The following ADK variants were observed in gnomAD, a reference collection of about 807,000 sequenced individuals.
ADK encodes the protein N6,N6-dimethyladenosine kinase.
In ADK, 24 loss-of-function variants were observed where a neutral mutation model predicts 44.7. The observed-to-expected ratio is 0.54, with a 90% confidence interval of 0.39 to 0.76. ADK has a LOEUF of 0.76. Among genes scored for constraint, ADK ranks in the 30% least tolerant of loss-of-function variants. The pLI, the probability that ADK is intolerant of heterozygous loss-of-function variation, is 0.00. For synonymous variants in ADK, 128 were observed against 142.6 expected, an observed-to-expected ratio of 0.90 and a Z score of 0.73; for missense variants, 321 against 425.1, an observed-to-expected ratio of 0.76 and a Z score of 2.15.
intron 2 of ADK, among the ~76,000 whole-genome samples, chr10:74,211,094 AG>A (rs1240837335): frequency 6.6e-6 from 1 of 152,192 alleles, no homozygotes; most frequent in Non-Finnish European, 1.5e-5. Context: ...CATGTTGACC[AG>A]GCTGGTCTTT....
At chr10:74,648,907 C>G (rs1854152179) in intron 9 of ADK, among the ~76,000 whole-genome samples, 1 of 151,982 alleles carries the variant, frequency 6.6e-6, no homozygotes. Flanking sequence ...TAGGTCAGGG[C>G]GCAGTGGCTC....
chr10:74,673,434 C>T (rs532194157), intron 10 of ADK, among the ~76,000 whole-genome samples: 31 of 152,318 alleles, frequency 2.0e-4, no homozygotes, highest in African/African-American at 7.5e-4. Context: ...CCAGCAGGAG[C>T]GAACTTCACT....
At chr10:74,443,774 C>G (rs148559812) in intron 6 of ADK, among the ~76,000 whole-genome samples, 283 of 152,072 alleles carry the variant, frequency 1.9e-3, no homozygotes, top group African/African-American at 6.6e-3. Context: ...CTTGGCACAC[C>G]TAACAACAAA....
chr10:74,155,685 C>T (rs573136754), intron 1 of ADK, among the ~76,000 whole-genome samples: 48 of 152,036 alleles, frequency 3.2e-4, no homozygotes, highest in Admixed American at 2.4e-3. Context: ...CCTGCCATCA[C>T]GCCCGGCCAA....
At chr10:74,287,176 A>G (rs532924760) in intron 3 of ADK, among the ~76,000 whole-genome samples, 1 of 152,194 alleles carries the variant, frequency 6.6e-6, no homozygotes, top group South Asian at 2.1e-4. Context: ...CTCAAGATAA[A>G]TCTCTTGGCC....
chr10:74,653,059 T>C (rs889106583), intron 9 of ADK, among the ~76,000 whole-genome samples: 1 of 152,210 alleles, frequency 6.6e-6, no homozygotes, highest in East Asian at 1.9e-4. Flanking sequence ...CTTTAGATTA[T>C]TCAATCTTTC....
At chr10:74,594,713 T>C (rs1049861891) in intron 8 of ADK, among the ~76,000 whole-genome samples, 1 of 151,810 alleles carries the variant, frequency 6.6e-6, no homozygotes, top group Non-Finnish European at 1.5e-5. Context: ...TTCTTTGATT[T>C]GGAAGACAAT....
At chr10:74,433,992 A>G (rs1297675492) in intron 6 of ADK, among the ~76,000 whole-genome samples, 1 of 152,162 alleles carries the variant, frequency 6.6e-6, no homozygotes, top group East Asian at 1.9e-4. Context: ...AAAGGATGCA[A>G]AAGCCCTTGG....
chr10:74,329,106 C>CAAAAAAAAAAA (rs138730631), intron 4 of ADK, among the ~76,000 whole-genome samples: 2 of 82,122 alleles, frequency 2.4e-5, no homozygotes, highest in African/African-American at 5.0e-5. Context: ...TCTGTGCAGG[C>CAAAAAAAAAAA]AAAAAAAAAA....
At chr10:74,236,597 A>G (rs1177023528) in intron 3 of ADK, among the ~76,000 whole-genome samples, 2 of 152,226 alleles carry the variant, frequency 1.3e-5, no homozygotes, top group Non-Finnish European at 2.9e-5. Flanking sequence ...TTTTATTGGT[A>G]TAACAAATCT....
intron 6 of ADK, among the ~76,000 whole-genome samples, chr10:74,465,518 CTGTT>C (rs1846320458): frequency 6.6e-6 from 1 of 152,084 alleles, no homozygotes; most frequent in Non-Finnish European, 1.5e-5. Flanking sequence ...GTTATTCTCA[CTGTT>C]ATATGGACAA....
chr10:74,517,482 AG>A (rs1848634443), intron 6 of ADK, among the ~76,000 whole-genome samples: 3 of 152,086 alleles, frequency 2.0e-5, no homozygotes, highest in Admixed American at 2.0e-4. Flanking sequence ...TGAGCTCAGT[AG>A]TTGGAAACCA....
chr10:74,364,196 A>G (rs1322555334), intron 4 of ADK, among the ~76,000 whole-genome samples: 10 of 152,172 alleles, frequency 6.6e-5, no homozygotes, highest in African/African-American at 1.7e-4. Flanking sequence ...CCTTTTATCT[A>G]TATTTTCTTC....
In ADK at chr10:74,426,824, G is replaced by A. The variant is rs192940693; in HGVS notation, c.555+28245G>A. Among the ~76,000 whole-genome samples, 218 of 151,592 alleles carry A rather than the reference G, an allele frequency of 1.4e-3. No homozygotes were observed. In the Middle Eastern group the frequency reaches 0.021, roughly 14 times the overall value. On this transcript the variant is annotated intron_variant, in intron 6 of 10. Transcript: ENST00000539909. ...TTTTATTATTATACTTTAAGTTCTG[G>A]GATACATGTGCAGAATGTACAGGTT...
rs551350517 is a variant in ADK at position 74,209,328 on chromosome 10, C to T, written c.140+8490C>T. Among the ~76,000 whole-genome samples the T allele has an allele frequency of 1.5e-3, 224 of 152,284 alleles. 1 individual carries two copies. The highest frequency in any genetic ancestry group is 5.3e-3 in the African/African-American group (219 of 41,536). ...AGAAGCAGAGAAAAGCCTCGCCAGA[C>T]ACCAATCTTGCTGGTGCCTTAACCG... On this transcript the variant is annotated intron_variant, in intron 2 of 10. Transcript: ENST00000539909.
chr10:74,474,605 G>A lies in ADK; in HGVS notation c.556-50651G>A, dbSNP rs144063125. On this transcript the variant is annotated intron_variant, in intron 6 of 10. Transcript: ENST00000539909. ...GTCATCCAGGCTGGAGTGCAGTGGC[G>A]AGATCATGGCTCGCTGAAACCTCAG... 4.9e-3 allele frequency among the ~76,000 whole-genome samples: 735 copies of A among 150,474 alleles called. 4 individuals are homozygous for A. Among genetic ancestry groups the A allele is most frequent in the African/African-American group, 0.016 (653 of 40,868 alleles).
At chr10:74,468,174 T>C (rs1414781911) in intron 6 of ADK, among the ~76,000 whole-genome samples, 1 of 152,190 alleles carries the variant, frequency 6.6e-6, no homozygotes, top group Non-Finnish European at 1.5e-5. Flanking sequence ...GGAAGGTAGA[T>C]AGATGTATAA....
intron 4 of ADK, among the ~76,000 whole-genome samples, chr10:74,354,484 G>C (rs1242542036): frequency 2.0e-5 from 3 of 152,096 alleles, no homozygotes; most frequent in African/African-American, 4.8e-5. Context: ...TATTGGTTTT[G>C]AATACGTACC....
chr10:74,632,138 C>T (rs573915070), intron 9 of ADK, among the ~76,000 whole-genome samples: 9 of 152,138 alleles, frequency 5.9e-5, no homozygotes, highest in East Asian at 1.9e-4. Context: ...CCTTAAGCAA[C>T]GATTAATCTA....
Sources: gnomAD v4.1 joint callset for allele counts (sites outside exome capture counted in the v4.1 genomes callset) on GRCh38, gnomAD v4.1.1 for gene constraint, MANE v1.5 for transcripts, NCBI Gene and HGNC (gene_info 2026-07-23, HGNC 2026-07-21) for gene names.